The following DTX1 variants were observed in gnomAD, a reference collection of about 807,000 sequenced individuals.
DTX1 encodes E3 ubiquitin-protein ligase DTX1.
DTX1 carries 26 observed loss-of-function variants against 57.8 expected under a neutral mutation model. That is an observed-to-expected ratio of 0.45 (90% confidence interval 0.33 to 0.62). DTX1 has a LOEUF of 0.62. Among genes scored for constraint, DTX1 ranks in the 20% least tolerant of loss-of-function variants. The pLI is 0.02. For missense variants in DTX1, 704 were observed against 895.3 expected, an observed-to-expected ratio of 0.79 and a Z score of 2.73; for synonymous variants, 398 against 394.1, an observed-to-expected ratio of 1.01 and a Z score of -0.12.
At chr12:113,065,387 A>G (rs2044697081) in intron 2 of DTX1, among the ~76,000 whole-genome samples, 4 of 151,950 alleles carry the variant, frequency 2.6e-5, no homozygotes, top group Admixed American at 2.6e-4. Context: ...GGCCCTTCCC[A>G]GGCTCGCCCG....
At chr12:113,070,069 A>G (rs554903414) in intron 2 of DTX1, among the ~76,000 whole-genome samples, 1 of 151,996 alleles carries the variant, frequency 6.6e-6, no homozygotes, top group East Asian at 1.9e-4. Flanking sequence ...CAGCTGGACC[A>G]CTCACAGATG....
chr12:113,060,272 C>T (rs137908297), intron 2 of DTX1, among the ~76,000 whole-genome samples: 46 of 152,238 alleles, frequency 3.0e-4, no homozygotes, highest in African/African-American at 9.9e-4. Flanking sequence ...CACTGGAGTA[C>T]AGCAGGGAGC....
At chr12:113,087,980 C>A (rs1315684146) in intron 3 of DTX1, among the ~76,000 whole-genome samples, 1 of 152,182 alleles carries the variant, frequency 6.6e-6, no homozygotes, top group Non-Finnish European at 1.5e-5. Context: ...CCTGATCTAC[C>A]CTGCCCAGGC....
rs771660342 is a variant in DTX1, at chr12:113,095,377, G to A, written c.1601G>A (p.Arg534His). The A allele has an allele frequency of 6.8e-6, 11 of 1,614,046 alleles. No individual in the cohort carries two copies. Among genetic ancestry groups the A allele is most frequent in the East Asian group, 2.2e-5 (1 of 44,902 alleles). ...AAGTTCACCGCAAGAGGATTCCCTC[G>A]CCACTGCTATCTACCCAACAACGAG... ...GKKFTARGFP[R>H]HCYLPNNEKG... The change falls in exon 9 of 10, where the codon CGC (arginine) becomes CAC (histidine). Residue 534 changes from arginine (R) to histidine (H), a missense_variant. Arg to His is a conservative substitution (Grantham distance 29). Transcript: ENST00000548759.
At position 113,073,394 on chromosome 12, in the gene DTX1, C is replaced by T. The variant is rs551239303; in HGVS notation, c.260-4030C>T. 2.0e-5 allele frequency among the ~76,000 whole-genome samples: 3 copies of T among 152,314 alleles called. No individual in the cohort carries two copies. In the South Asian group the frequency reaches 6.2e-4, roughly 32 times the overall value. On this transcript the variant is annotated intron_variant, in intron 2 of 9. Transcript: ENST00000548759. Reference sequence around the variant, plus strand: ...ACCAGGGAAGAAATCAATCTGCACACACTCAATTAAAATGATAAATCAGGC... The same window carrying T: ...ACCAGGGAAGAAATCAATCTGCACATACTCAATTAAAATGATAAATCAGGC...
At position 113,069,182 on chromosome 12, in the gene DTX1, A is replaced by G. The variant is rs117201988; in HGVS notation, c.260-8242A>G. Among the ~76,000 whole-genome samples, 45 of 152,234 alleles carry G rather than the reference A, an allele frequency of 3.0e-4. No individual in the cohort carries two copies. In the East Asian group the frequency reaches 6.8e-3, roughly 23 times the overall value. On this transcript the variant is annotated intron_variant, in intron 2 of 9. Coordinates refer to ENST00000548759, the MANE Select transcript of DTX1 (RefSeq NM_004416.3). ...TATTATTACAATTATGCCATTTCAC[A>G]GATGAGAAAGGAGCAGTTTGGAGGG...
At chr12:113,080,907 C>T (rs2044811354) in intron 3 of DTX1, among the ~76,000 whole-genome samples, 1 of 150,210 alleles carries the variant, frequency 6.7e-6, no homozygotes, top group Non-Finnish European at 1.5e-5. Context: ...CCCAGTAGGT[C>T]AAGGCTGCAG....
Position 113,058,161 on chromosome 12 carries a change from T to TG in DTX1, c.-27dup. 6.4e-7 allele frequency: 1 copy of TG among 1,566,296 alleles called. No homozygotes were observed. The highest frequency in any genetic ancestry group is 8.7e-7 in the Non-Finnish European group (1 of 1,155,452). On this transcript the variant is annotated 5_prime_UTR_variant, in exon 2 of 10. Transcript: ENST00000548759. ...CCAGGAGGAGCTGGGCCTGCAATAG[T>TG]GGGGGACCTGGCCCCTGAGGCAGTG... is the stretch of plus-strand genomic sequence containing the variant.
intron 3 of DTX1, among the ~76,000 whole-genome samples, chr12:113,079,854 C>T (rs12825164): frequency 5.3e-5 from 8 of 152,056 alleles, no homozygotes; most frequent in Non-Finnish European, 1.0e-4. Flanking sequence ...CCACCATGCC[C>T]GGCCCCCTTC....
Position 113,093,908 on chromosome 12 carries a change from C to G in DTX1, c.1166-130C>G. 2 of 1,451,472 alleles carry G rather than the reference C, an allele frequency of 1.4e-6. No homozygotes were observed. The highest frequency in any genetic ancestry group is 1.9e-6 in the Non-Finnish European group (2 of 1,058,200). The allele number at this position is 1,451,472 out of a possible 1,614,324, so 89.9% of individuals were successfully genotyped here. ...CCCTGACCTCTGACCCTGGCCAACC[C>G]TTGCCAGCCTGACCCCGGCCAACCC... On this transcript the variant is annotated intron_variant, in intron 5 of 9. Coordinates refer to ENST00000548759, the MANE Select transcript of DTX1 (RefSeq NM_004416.3). This position sits in a 1 kb window ranked among gnomAD's most constrained non-coding sequence, Gnocchi z 4.2.
chr12:113,096,786 C>T lies in DTX1; in HGVS notation c.1710C>T (p.Gly570=), dbSNP rs112807040. The change falls in exon 10 of 10, where the codon GGC becomes GGT. Residue 570 remains glycine (G), a synonymous_variant. Transcript: ENST00000548759. The part of the protein sequence containing the change: ...IFTIGTSNTT[G]ESDTVVWNEI... ...CTATCGGCACGTCCAACACCACGGG[C>T]GAGTCGGACACCGTGGTGTGGAACG... is the stretch of plus-strand genomic sequence containing the variant. The T allele has an allele frequency of 6.4e-4, 1,032 of 1,613,842 alleles. 3 individuals are homozygous for T. The African/African-American group carries it at 0.012, about 18-fold the overall frequency.
intron 3 of DTX1, among the ~76,000 whole-genome samples, chr12:113,089,329 G>C (rs1342204676): frequency 6.6e-6 from 1 of 152,166 alleles, no homozygotes; most frequent in Non-Finnish European, 1.5e-5. Context: ...GGAGGAGTGA[G>C]AGCAGAGGAC....
At chr12:113,082,465 G>A (rs1013647290) in intron 3 of DTX1, among the ~76,000 whole-genome samples, 7 of 152,188 alleles carry the variant, frequency 4.6e-5, no homozygotes, top group African/African-American at 1.7e-4. Context: ...AGGCCCAAGT[G>A]CAGCCTATGA....
At chr12:113,062,087 A>T (rs2136423188) in intron 2 of DTX1, among the ~76,000 whole-genome samples, 1 of 152,060 alleles carries the variant, frequency 6.6e-6, no homozygotes, top group Non-Finnish European at 1.5e-5. Context: ...ATAATGCTGT[A>T]AAACCCAAAA....
intron 2 of DTX1, among the ~76,000 whole-genome samples, chr12:113,067,817 A>C (rs1030865586): frequency 6.6e-6 from 1 of 152,176 alleles, no homozygotes; most frequent in African/African-American, 2.4e-5. Flanking sequence ...GGATCACTTG[A>C]GCACAGGAGT....
chr12:113,094,358 C>T (rs1421907264), intron 6 of DTX1, among the ~76,000 whole-genome samples: 1 of 152,094 alleles, frequency 6.6e-6, no homozygotes, highest in Non-Finnish European at 1.5e-5. Context: ...TAGTTAAGCC[C>T]TTAATTCACC....
At chr12:113,088,539 C>T (rs1201922673) in intron 3 of DTX1, among the ~76,000 whole-genome samples, 1 of 152,194 alleles carries the variant, frequency 6.6e-6, no homozygotes, top group South Asian at 2.1e-4. Flanking sequence ...AGCACACCAG[C>T]ATGGCACATG....
At chr12:113,081,202 G>A (rs139808771) in intron 3 of DTX1, among the ~76,000 whole-genome samples, 22 of 152,212 alleles carry the variant, frequency 1.4e-4, no homozygotes, top group African/African-American at 5.3e-4. Context: ...AATTAGCTGA[G>A]CATGGTGGTA....
At position 113,059,683 on chromosome 12, in the gene DTX1, G is replaced by T. The variant is rs542283429; in HGVS notation, c.259+1232G>T. 5.9e-5 allele frequency among the ~76,000 whole-genome samples: 9 copies of T among 152,270 alleles called. No homozygotes were observed. In the South Asian group the frequency reaches 1.7e-3, roughly 28 times the overall value. On this transcript the variant is annotated intron_variant, in intron 2 of 9. Coordinates refer to ENST00000548759, the MANE Select transcript of DTX1 (RefSeq NM_004416.3). The stretch of plus-strand genomic sequence containing the variant: ...TTGACCCCCCAAGGACCAGCTGATG[G>T]GGTTTGGGGAAGTTCCTATGAATCC...
Sources: allele counts gnomAD v4.1 joint callset (sites outside exome capture counted in the v4.1 genomes callset), GRCh38; gene constraint gnomAD v4.1.1; non-coding constraint Gnocchi (gnomAD v3.1); transcripts MANE v1.5; gene names NCBI Gene and HGNC (gene_info 2026-07-23, HGNC 2026-07-21).